CPSF6: variants seen among roughly 807,000 people sequenced by gnomAD.
The protein encoded by CPSF6 is cleavage and polyadenylation specificity factor subunit 6.
Under a neutral mutation model 56.7 loss-of-function variants are expected in CPSF6, and 10 were observed. The ratio of observed to expected loss-of-function variants is 0.18; its 90% CI spans 0.11 to 0.30. The LOEUF (loss-of-function observed/expected upper bound fraction) is 0.30, where lower values mean the gene tolerates loss of function less well. CPSF6 is among the 10% of genes least tolerant of loss of function. The pLI, the probability that CPSF6 is intolerant of heterozygous loss-of-function variation, is 1.00. For missense variants in CPSF6, 419 were observed against 722.9 expected (o/e 0.58, Z 4.82); for synonymous variants, 248 against 244.8 (o/e 1.01, Z -0.12).
chr12:69,244,007 A>G (rs117955895), intron 1 of CPSF6, among the ~76,000 whole-genome samples: 2 of 151,134 alleles, frequency 1.3e-5, no homozygotes, highest in Non-Finnish European at 1.5e-5. Context: ...CTAATTTCAA[A>G]TTTTTTTTGT....
chr12:69,265,562 G>A (rs1872935923), intron 9 of CPSF6, among the ~76,000 whole-genome samples: 1 of 149,666 alleles, frequency 6.7e-6, no homozygotes, highest in Admixed American at 6.7e-5. Context: ...TGGGTATGGG[G>A]TCTGGATTAA....
At chr12:69,243,477 T>C (rs1047315405) in intron 1 of CPSF6, among the ~76,000 whole-genome samples, 1 of 152,256 alleles carries the variant, frequency 6.6e-6, no homozygotes, top group Non-Finnish European at 1.5e-5. Context: ...TACAGCCTAC[T>C]ACACATGTAG....
intron 1 of CPSF6, among the ~76,000 whole-genome samples, chr12:69,247,081 C>T (rs554585357): frequency 2.9e-4 from 44 of 151,912 alleles, no homozygotes; most frequent in Admixed American, 2.5e-3. Flanking sequence ...CAGTATGTAT[C>T]GTATATCTGT....
At position 69,264,221 on chromosome 12, in the gene CPSF6, A is replaced by G. The variant is rs1872872338; in HGVS notation, c.*3+1659A>G. Among the ~76,000 whole-genome samples, 3 of 152,056 alleles carry G rather than the reference A, an allele frequency of 2.0e-5. 1 individual carries two copies. Among genetic ancestry groups the G allele is most frequent in the South Asian group, 4.1e-4 (2 of 4,836 alleles). ...AGTCATTTCCATTATAGAAGGGTAC[A>G]GGTTCTGTAAGTTACCTATTTTTTT... On this transcript the variant is annotated intron_variant, in intron 9 of 9. Transcript: ENST00000435070.
chr12:69,268,220 CTAAA>C (rs1288623604), intron 9 of CPSF6, among the ~76,000 whole-genome samples: 3 of 151,618 alleles, frequency 2.0e-5, no homozygotes, highest in African/African-American at 7.3e-5. Context: ...AATAGTTTCA[CTAAA>C]TAGCTTCATC....
intron 1 of CPSF6, among the ~76,000 whole-genome samples, chr12:69,247,453 C>T (rs977181048): frequency 7.5e-6 from 1 of 134,066 alleles, no homozygotes; most frequent in African/African-American, 2.5e-5. Context: ...CTATGAACAG[C>T]AGATAAGATT....
Position 69,269,827 on chromosome 12 carries a change from T to G in CPSF6, c.*319T>G, listed in dbSNP as rs907471806. The G allele has an allele frequency of 5.4e-6, 1 of 184,822 alleles. No homozygotes were observed. The highest frequency in any genetic ancestry group is 2.4e-5 in the African/African-American group (1 of 41,824). 11.4% of individuals were successfully genotyped at this position (184,822 alleles called of 1,614,324 possible). ...GCAATTGGAAAAAAAGTCAAGTAAA[T>G]GCTTGTTTTTGTAGTAGTTTGTTCT... On this transcript the variant is annotated 3_prime_UTR_variant, in exon 10 of 10. Coordinates refer to ENST00000435070, the MANE Select transcript of CPSF6 (RefSeq NM_007007.3).
chr12:69,240,001 G>T (rs1289291833), intron 1 of CPSF6, among the ~76,000 whole-genome samples: 1 of 151,274 alleles, frequency 6.6e-6, no homozygotes, highest in Non-Finnish European at 1.5e-5. Flanking sequence ...ATTGTTGGCG[G>T]CACCCGGCTG....
chr12:69,267,905 G>A (rs906460812), intron 9 of CPSF6, among the ~76,000 whole-genome samples: 1 of 151,826 alleles, frequency 6.6e-6, no homozygotes, highest in Non-Finnish European at 1.5e-5. Flanking sequence ...CTCCACTGGA[G>A]TGATAATGAC....
Position 69,256,796 on chromosome 12 carries a change from A to G in CPSF6, c.474A>G (p.Pro158=), listed in dbSNP as rs369020999. The G allele has an allele frequency of 9.9e-6, 16 of 1,613,748 alleles. No homozygotes were observed. Among genetic ancestry groups the G allele is most frequent in the South Asian group, 2.2e-5 (2 of 90,998 alleles). Residue 158 remains proline (P), a synonymous_variant, in exon 4 of 10, where the codon CCA becomes CCG. Coordinates refer to ENST00000435070, the MANE Select transcript of CPSF6 (RefSeq NM_007007.3). ...ELHGQNPVVT[P]CNKQFLSQFE... ...ATGGTCAGAATCCTGTTGTAACTCCATGCAATAAACAGTTCCTGAGTCAAT... is the reference window on the plus strand; with the variant it reads ...ATGGTCAGAATCCTGTTGTAACTCCGTGCAATAAACAGTTCCTGAGTCAAT...
rs1033117781 is a variant in CPSF6, at chr12:69,268,848, C to T, written c.*4-664C>T. The stretch of plus-strand genomic sequence containing the variant: ...TTGTTTTGGTTAGTTTATAATACTA[C>T]GTTAGGTATTTCTATATAGGTGGAA... On this transcript the variant is annotated intron_variant, in intron 9 of 9. Coordinates refer to ENST00000435070, the MANE Select transcript of CPSF6 (RefSeq NM_007007.3). Among the ~76,000 whole-genome samples, 10 of 151,614 alleles carry T rather than the reference C, an allele frequency of 6.6e-5. 1 individual carries two copies. The Middle Eastern group carries it at 0.01, about 157-fold the overall frequency.
chr12:69,239,855 G>GC (rs927305800), intron 1 of CPSF6, 149 bp downstream of exon 1: 36 of 628,328 alleles, frequency 5.7e-5, no homozygotes, highest in Middle Eastern at 5.5e-4. Flanking sequence ...CTGGCGTGGC[G>GC]CCCCCCCGCC....
intron 1 of CPSF6, among the ~76,000 whole-genome samples, chr12:69,243,073 C>T (rs1387464607): frequency 2.6e-5 from 4 of 152,006 alleles, no homozygotes; most frequent in Non-Finnish European, 4.4e-5. Context: ...GGCCACTGCA[C>T]TCCAGCAAGA....
At position 69,258,504 on chromosome 12, in the gene CPSF6, G is replaced by A. The variant is rs897837270; in HGVS notation, c.695-86G>A. On this transcript the variant is annotated intron_variant, in intron 5 of 9. Transcript: ENST00000435070. The surrounding 1 kb of genome is among the most constrained non-coding windows in gnomAD (Gnocchi z 4.2). Reference sequence around the variant, plus strand: ...CAAAGACTTGGTGTATGCTCTATGCGTTTAAAGTATAATCTTGGCATATAA... The same window carrying A: ...CAAAGACTTGGTGTATGCTCTATGCATTTAAAGTATAATCTTGGCATATAA... The A allele has an allele frequency of 2.1e-5, 29 of 1,374,512 alleles. No individual in the cohort carries two copies. Among genetic ancestry groups the A allele is most frequent in the East Asian group, 9.4e-5 (4 of 42,696 alleles). The allele number at this position is 1,374,512 out of a possible 1,614,324, so 85.1% of individuals were successfully genotyped here. A position where few individuals can be genotyped will look rare whatever the true frequency, so the allele number is the denominator to read the frequency against.
intron 1 of CPSF6, among the ~76,000 whole-genome samples, chr12:69,250,062 T>C (rs1872148924): frequency 6.6e-6 from 1 of 152,224 alleles, no homozygotes; most frequent in African/African-American, 2.4e-5. Flanking sequence ...ATTTGGATTG[T>C]TCTACATGTA....
rs1016805732 is a variant in CPSF6 at position 69,273,012 on chromosome 12, A to G, written c.*3504A>G. The G allele has an allele frequency of 2.4e-5, 6 of 251,238 alleles. No homozygotes were observed. Among genetic ancestry groups the G allele is most frequent in the African/African-American group, 4.6e-5 (2 of 43,660 alleles). 15.6% of individuals were successfully genotyped at this position (251,238 alleles called of 1,614,324 possible). A position where few individuals can be genotyped will look rare whatever the true frequency, so the allele number is the denominator to read the frequency against. On this transcript the variant is annotated 3_prime_UTR_variant, in exon 10 of 10. Transcript: ENST00000435070. Reference sequence around the variant, plus strand: ...TTCAATAAATATTCAACCAAAAATTATAAATTTATTAAGATGTGGCCTTAC... The same window carrying G: ...TTCAATAAATATTCAACCAAAAATTGTAAATTTATTAAGATGTGGCCTTAC...
rs371212981 is a variant in CPSF6 at position 69,260,093 on chromosome 12, T to C, written c.1365T>C (p.Ile455=). The change falls in exon 8 of 10, where the codon ATT becomes ATC. Residue 455 remains isoleucine, a synonymous_variant. Coordinates refer to ENST00000435070, the MANE Select transcript of CPSF6 (RefSeq NM_007007.3). ...CACTGGTAACTGCAATTTCTTTAAT[T>C]AAACAATCCAAAGTATCTGCTGATG... is the stretch of plus-strand genomic sequence containing the variant. ...IETLVTAISL[I]KQSKVSADDR... 2.7e-5 allele frequency: 43 copies of C among 1,613,310 alleles called. No individual in the cohort carries two copies. The East Asian group carries it at 3.3e-4, about 13-fold the overall frequency.
intron 6 of CPSF6, 127 bp downstream of exon 6, chr12:69,259,221 T>C: frequency 8.0e-7 from 1 of 1,256,492 alleles, no homozygotes. Flanking sequence ...TTTAAGCTGC[T>C]ACCCTGTTTT....
intron 9 of CPSF6, among the ~76,000 whole-genome samples, chr12:69,263,434 CATTT>C (rs1299503119): frequency 2.0e-5 from 3 of 151,924 alleles, no homozygotes; most frequent in Non-Finnish European, 2.9e-5. Flanking sequence ...TTGTTAATAG[CATTT>C]ATTCATGTGA....
Sources: gnomAD v4.1 joint callset for allele counts (sites outside exome capture counted in the v4.1 genomes callset) on GRCh38, gnomAD v4.1.1 for gene constraint, Gnocchi (gnomAD v3.1) non-coding constraint, MANE v1.5 for transcripts, NCBI Gene and HGNC (gene_info 2026-07-23, HGNC 2026-07-21) for gene names.